SPTBN4: variants seen among roughly 807,000 people sequenced by gnomAD.
The protein encoded by SPTBN4 is spectrin beta chain, non-erythrocytic 4.
In SPTBN4, 96 loss-of-function variants were observed where a neutral mutation model predicts 277.8. The observed-to-expected ratio is 0.35, with a 90% CI of 0.29 to 0.41. SPTBN4 has a LOEUF of 0.41. Ranked by LOEUF, SPTBN4 falls within the 10% of genes least tolerant of loss-of-function variation. The pLI is 1.00. For missense variants in SPTBN4, 3,006 were observed against 3,595.7 expected, an observed-to-expected ratio of 0.84 and a Z score of 4.19; for synonymous variants, 1,481 against 1,580.3, an observed-to-expected ratio of 0.94 and a Z score of 1.49.
chr19:40,567,225 G>C, intron 30 of SPTBN4: 1 of 433,826 alleles, frequency 2.3e-6, no homozygotes. Context: ...TTGAGCACTG[G>C]AGGTCAAGGC....
rs769096095 is a variant in SPTBN4, at chr19:40,557,291, A to G, written c.5558A>G (p.Lys1853Arg). 7.4e-6 allele frequency: 12 copies of G among 1,613,418 alleles called. No individual in the cohort carries two copies. Among genetic ancestry groups the G allele is most frequent in the Non-Finnish European group, 9.3e-6 (11 of 1,179,892 alleles). ...ARELQGQIEE[K>R]RRRLPRLTTP... Reference sequence around the variant, plus strand: ...GAGCTTCAGGGACAGATTGAGGAGAAGCGGAGGCGGCTGCCCCGCCTGACC... The same window carrying G: ...GAGCTTCAGGGACAGATTGAGGAGAGGCGGAGGCGGCTGCCCCGCCTGACC... Residue 1853 changes from lysine (K) to arginine (R), a missense_variant, in exon 26 of 36, where the codon AAG becomes AGG. Lys to Arg is a conservative substitution (Grantham distance 26). Transcript: ENST00000598249.
Position 40,549,380 on chromosome 19 carries a change from G to A in SPTBN4, c.4551G>A (p.Leu1517=). The change falls in exon 21 of 36, where the codon TTG becomes TTA. Residue 1517 remains leucine (L), a synonymous_variant. Coordinates refer to ENST00000598249, the MANE Select transcript of SPTBN4 (RefSeq NM_020971.3). ...RRRLLLASKE[L]HQVAHDLDDE... The stretch of plus-strand genomic sequence containing the variant: ...GCTTGCTGCTGGCTTCCAAGGAGTT[G>A]CACCAGGTGGCGCACGACCTGGACG... 2 of 1,291,208 alleles carry A rather than the reference G, an allele frequency of 1.5e-6. No homozygotes were observed. The highest frequency in any genetic ancestry group is 1.3e-5 in the South Asian group (1 of 79,962). The allele number at this position is 1,291,208 out of a possible 1,614,324, so 80.0% of individuals were successfully genotyped here. A position where few individuals can be genotyped will look rare whatever the true frequency, so the allele number is the denominator to read the frequency against.
At chr19:40,493,826 TC>T (rs1431781986) in intron 5 of SPTBN4, among the ~76,000 whole-genome samples, 1 of 152,178 alleles carries the variant, frequency 6.6e-6, no homozygotes, top group South Asian at 2.1e-4. Context: ...AGGTGAACTG[TC>T]CCCAGCCTGC....
intron 2 of SPTBN4, among the ~76,000 whole-genome samples, chr19:40,484,975 A>G (rs924176434): frequency 2.0e-5 from 3 of 151,202 alleles, no homozygotes; most frequent in Non-Finnish European, 2.9e-5. Flanking sequence ...AAACAAAAAA[A>G]CCACTTTATT....
chr19:40,475,396 T>C (rs756422377), intron 2 of SPTBN4, among the ~76,000 whole-genome samples: 9 of 152,136 alleles, frequency 5.9e-5, no homozygotes, highest in Non-Finnish European at 1.0e-4. Flanking sequence ...ATCTTAGAAC[T>C]TTAGTAACTC....
At position 40,560,197 on chromosome 19, in the gene SPTBN4, G is replaced by C; in HGVS notation, c.5709G>C (p.Thr1903=). The part of the protein sequence containing the change: ...QLQEGAAQLR[T]VYAGEHAEAI... ...AGGAGGGGGCGGCCCAGCTGCGGAC[G>C]GTGTATGCGGGTGAACATGCCGAGG... The change falls in exon 27 of 36, where the codon ACG becomes ACC. Residue 1903 remains threonine, a synonymous_variant. Coordinates refer to ENST00000598249, the MANE Select transcript of SPTBN4 (RefSeq NM_020971.3). This position sits in a 1 kb window ranked among gnomAD's most constrained non-coding sequence, Gnocchi z 5.2. The C allele has an allele frequency of 1.2e-6, 2 of 1,603,988 alleles. No individual in the cohort carries two copies. Among genetic ancestry groups the C allele is most frequent in the Non-Finnish European group, 1.7e-6 (2 of 1,179,584 alleles).
intron 7 of SPTBN4, among the ~76,000 whole-genome samples, chr19:40,499,454 A>G (rs893858057): frequency 1.3e-5 from 2 of 152,118 alleles, no homozygotes; most frequent in Non-Finnish European, 1.5e-5. Flanking sequence ...CAGTGGCACA[A>G]TCTTGGCTCA....
chr19:40,504,626 G>T lies in SPTBN4; in HGVS notation c.1665+494G>T, dbSNP rs1001293935. ...GGAGCTTGCAGGGAGCCGAGATCCC[G>T]CCACTGCACTCCAGCCTGGGCGACA... On this transcript the variant is annotated intron_variant, in intron 12 of 35. Transcript: ENST00000598249. 5.3e-5 allele frequency among the ~76,000 whole-genome samples: 8 copies of T among 151,226 alleles called. No individual in the cohort carries two copies. The South Asian group carries it at 8.3e-4, about 16-fold the overall frequency.
chr19:40,491,592 A>G (rs2080136579), intron 4 of SPTBN4, among the ~76,000 whole-genome samples: 1 of 151,592 alleles, frequency 6.6e-6, no homozygotes, highest in African/African-American at 2.4e-5. Flanking sequence ...AAATACAGAA[A>G]TTAACTGGGC....
intron 7 of SPTBN4, among the ~76,000 whole-genome samples, chr19:40,500,539 C>A (rs1286588722): frequency 6.6e-6 from 1 of 152,104 alleles, no homozygotes; most frequent in Non-Finnish European, 1.5e-5. Context: ...CGGCTGGGCC[C>A]ACGCCTATAG....
Position 40,490,998 on chromosome 19 carries a change from T to C in SPTBN4, c.495+750T>C, listed in dbSNP as rs543762554. On this transcript the variant is annotated intron_variant, in intron 4 of 35. Coordinates refer to ENST00000598249, the MANE Select transcript of SPTBN4 (RefSeq NM_020971.3). The surrounding 1 kb of genome is among the most constrained non-coding windows in gnomAD (Gnocchi z 4.3). ...GTGAGGCTGCCGTGAGCTATGATCA[T>C]GCCACTGCACTCCAGCCTAGACAAC... Among the ~76,000 whole-genome samples, 1 of 151,960 alleles carries C rather than the reference T, an allele frequency of 6.6e-6. No individual in the cohort carries two copies. The highest frequency in any genetic ancestry group is 1.5e-5 in the Non-Finnish European group (1 of 67,968).
chr19:40,552,517 T>G (rs571169265), intron 22 of SPTBN4, among the ~76,000 whole-genome samples: 4 of 151,912 alleles, frequency 2.6e-5, no homozygotes, highest in African/African-American at 9.7e-5. Flanking sequence ...AAGTACTGTC[T>G]TAGGGTTTAT....
chr19:40,506,366 T>A lies in SPTBN4; in HGVS notation c.1796T>A (p.Leu599Gln). Residue 599 changes from leucine (L) to glutamine (Q), a missense_variant, in exon 13 of 36, where the codon CTG (leucine) becomes CAG (glutamine). Physicochemically the swap from Leu to Gln is moderately radical, Grantham distance 113. Around this residue, in one of 5 missense-constraint regions of SPTBN4, gnomAD observed 1,759 missense variants for 2,061.5 expected, o/e 0.85. Transcript: ENST00000598249. ...GTGGAGGCTCTCAATGCCGCTGCCC[T>A]GCGCTTCTCCCAGCTGCAGGGTGAG... ...ERVEALNAAA[L>Q]RFSQLQGYQP... is the part of the protein sequence containing the mutation. 7 of 1,612,828 alleles carry A rather than the reference T, an allele frequency of 4.3e-6. No individual in the cohort carries two copies. The highest frequency in any genetic ancestry group is 5.9e-6 in the Non-Finnish European group (7 of 1,179,136).
In SPTBN4 at chr19:40,503,195, T is replaced by TA. The variant is rs372708558; in HGVS notation, c.1362+262_1362+263insA. 3.6e-3 allele frequency among the ~76,000 whole-genome samples: 546 copies of TA among 150,120 alleles called. 6 individuals are homozygous for TA. Among genetic ancestry groups the TA allele is most frequent in the African/African-American group, 0.013 (526 of 40,698 alleles). On this transcript the variant is annotated intron_variant, in intron 11 of 35. Coordinates refer to ENST00000598249, the MANE Select transcript of SPTBN4 (RefSeq NM_020971.3). The stretch of plus-strand genomic sequence containing the variant: ...AGGGCAGAATTCATCTTTTCAGGAA[T>TA]GGGGGAGTGTTTTAAGTGACAAGGG...
chr19:40,471,765 T>C (rs1489646189), intron 1 of SPTBN4, among the ~76,000 whole-genome samples: 1 of 151,960 alleles, frequency 6.6e-6, no homozygotes, highest in Non-Finnish European at 1.5e-5. Flanking sequence ...AAAAGACAGT[T>C]TCTGGCTCTG....
chr19:40,544,127 C>CTTTTTTT (rs10618096), intron 20 of SPTBN4, among the ~76,000 whole-genome samples: 52 of 128,822 alleles, frequency 4.0e-4, no homozygotes, highest in East Asian at 1.5e-3. Flanking sequence ...TCTTCTTCCT[C>CTTTTTTT]TTTTTTTTTT....
chr19:40,498,488 C>T (rs2080227561), intron 7 of SPTBN4, among the ~76,000 whole-genome samples: 1 of 151,568 alleles, frequency 6.6e-6, no homozygotes, highest in Admixed American at 6.6e-5. Context: ...TCACTGCAAG[C>T]TCCACCTCCT....
chr19:40,506,175 G>C lies in SPTBN4; in HGVS notation c.1666-61G>C. The C allele has an allele frequency of 1.9e-6, 3 of 1,551,606 alleles. No homozygotes were observed. The South Asian group carries it at 3.7e-5, about 19-fold the overall frequency. ...TAGCAGGGGCTGGCATAGGCAATGG[G>C]GGAGAGGTGAGTGGCCCAGGGCAGT... On this transcript the variant is annotated intron_variant, in intron 12 of 35. Transcript: ENST00000598249.
chr19:40,498,846 T>C (rs864602), intron 7 of SPTBN4, among the ~76,000 whole-genome samples: 110,040 of 151,604 alleles, frequency 0.73, 41,974 homozygotes, highest in African/African-American at 0.93. Flanking sequence ...GGACTACAGG[T>C]GTGCACCATC....
Sources: gnomAD v4.1 joint callset for allele counts (sites outside exome capture counted in the v4.1 genomes callset) on GRCh38, gnomAD v4.1.1 for gene constraint, gnomAD v4.1.1 regional missense constraint, Gnocchi (gnomAD v3.1) non-coding constraint, MANE v1.5 for transcripts, NCBI Gene and HGNC (gene_info 2026-07-23, HGNC 2026-07-21) for gene names.